TLE3: variants seen among roughly 807,000 people sequenced by gnomAD.
TLE3 encodes the protein transducin-like enhancer protein 3.
In TLE3, 14 loss-of-function variants were observed where a neutral mutation model predicts 93.0. That is an observed-to-expected ratio of 0.15 (90% CI 0.10 to 0.24). TLE3 has a LOEUF of 0.24. TLE3 is among the 10% of genes least tolerant of loss of function. The pLI is 1.00. For synonymous variants in TLE3, 451 were observed against 425.0 expected (o/e 1.06, Z -0.75); for missense variants, 693 against 1,046.6 (o/e 0.66, Z 4.66).
At chr15:70,070,289 T>C (rs900236543) in intron 6 of TLE3, among the ~76,000 whole-genome samples, 9 of 152,096 alleles carry the variant, frequency 5.9e-5, no homozygotes, top group Non-Finnish European at 1.3e-4. Context: ...CCAGGAGAGG[T>C]TGAAGGGAAG....
At chr15:70,052,259 G>C in intron 18 of TLE3, 115 bp downstream of exon 18, 6 of 1,369,802 alleles carry the variant, frequency 4.4e-6, no homozygotes, top group African/African-American at 1.4e-5. Context: ...CAGGAGGCCT[G>C]GTTCCAGGGC....
rs2058554072 is a variant in TLE3, at chr15:70,096,258, G to A, written c.28C>T (p.Pro10Ser). 7 of 1,553,064 alleles carry A rather than the reference G, an allele frequency of 4.5e-6. No homozygotes were observed. The East Asian group carries it at 9.7e-5, about 22-fold the overall frequency. Reference sequence around the variant, plus strand: ...AATCCCGGCTGCCCGGGTTGATGGGGAGCCTGGAGCCCGCGAAGACAAGAC... The same window carrying A: ...AATCCCGGCTGCCCGGGTTGATGGGAAGCCTGGAGCCCGCGAAGACAAGAC... MYPQGRHPAPHQPGQPGFKF... is the reference protein window; with the variant it reads MYPQGRHPASHQPGQPGFKF... The change falls in exon 2 of 20, where the codon CCC (proline) becomes TCC (serine). Residue 10 changes from proline to serine, a missense_variant. Pro to Ser is a moderately conservative substitution (Grantham distance 74). Transcript: ENST00000451782.
In TLE3 at chr15:70,095,549, C is replaced by G. The variant is rs564403851; in HGVS notation, c.189+29G>C. On this transcript the variant is annotated intron_variant, in intron 3 of 19. Transcript: ENST00000451782. ...CCCCGGCCGGGGTCGGCGCCCCAAC[C>G]GCCCCCCAGGCCCGCGGCCGCATCT... is the stretch of plus-strand genomic sequence containing the variant. 11 of 1,548,204 alleles carry G rather than the reference C, an allele frequency of 7.1e-6. No individual in the cohort carries two copies. The South Asian group carries it at 7.2e-5, about 10-fold the overall frequency.
chr15:70,071,484 T>C (rs1172603345), intron 6 of TLE3, among the ~76,000 whole-genome samples: 1 of 152,136 alleles, frequency 6.6e-6, no homozygotes, highest in Non-Finnish European at 1.5e-5. Context: ...ACCCCAGGAA[T>C]ACTCTAATCC....
chr15:70,086,643 G>A (rs368329476), intron 4 of TLE3, among the ~76,000 whole-genome samples: 14 of 152,282 alleles, frequency 9.2e-5, no homozygotes, highest in Admixed American at 6.5e-5. Flanking sequence ...ATCGGCCTGC[G>A]GTAGTTTTCA....
intron 3 of TLE3, 87 bp downstream of exon 3, chr15:70,095,491 C>T (rs1362115594): frequency 1.3e-6 from 2 of 1,547,140 alleles, no homozygotes; most frequent in Admixed American, 2.0e-5. Flanking sequence ...GTGGTGGGGA[C>T]CTGGCGCTCA....
At chr15:70,069,349 C>T (rs546211466) in intron 6 of TLE3, among the ~76,000 whole-genome samples, 1 of 152,284 alleles carries the variant, frequency 6.6e-6, no homozygotes, top group African/African-American at 2.4e-5. Flanking sequence ...AGGTGTCCTG[C>T]TTGCCCAAAA....
intron 13 of TLE3, among the ~76,000 whole-genome samples, chr15:70,057,144 G>A (rs11072135): frequency 0.33 from 50,279 of 152,054 alleles, 8,788 homozygotes; most frequent in East Asian, 0.63. Context: ...CACCTGACTT[G>A]CCCTGGGATT....
intron 4 of TLE3, among the ~76,000 whole-genome samples, chr15:70,091,113 T>A (rs573772867): frequency 2.0e-5 from 3 of 152,358 alleles, no homozygotes; most frequent in Admixed American, 2.0e-4. Flanking sequence ...CGTTTCCTCA[T>A]CTGTAACTTG....
chr15:70,083,803 G>A (rs2057910133), intron 4 of TLE3, among the ~76,000 whole-genome samples: 1 of 151,958 alleles, frequency 6.6e-6, no homozygotes, highest in African/African-American at 2.4e-5. Flanking sequence ...ATGAAATGCT[G>A]GCTAGGACTT....
In TLE3 at chr15:70,049,154, T is replaced by C. The variant is rs936061324; in HGVS notation, c.*943A>G. The C allele has an allele frequency of 2.6e-5, 4 of 152,278 alleles. No individual in the cohort carries two copies. Among genetic ancestry groups the C allele is most frequent in the Admixed American group, 6.5e-5 (1 of 15,290 alleles). The allele number at this position is 152,278 out of a possible 1,614,324, so 9.4% of individuals were successfully genotyped here. A position where few individuals can be genotyped will look rare whatever the true frequency, so the allele number is the denominator to read the frequency against. ...AGAGGGAGTTCCTTTGAACTTCCATTGCTCACAACAATAACTAAGTGTGCA... is the reference window on the plus strand; with the variant it reads ...AGAGGGAGTTCCTTTGAACTTCCATCGCTCACAACAATAACTAAGTGTGCA... On this transcript the variant is annotated 3_prime_UTR_variant, in exon 20 of 20. Coordinates refer to ENST00000451782, the MANE Select transcript of TLE3 (RefSeq NM_001105192.3).
At chr15:70,076,531 T>A (rs1013091331) in intron 4 of TLE3, among the ~76,000 whole-genome samples, 3 of 152,164 alleles carry the variant, frequency 2.0e-5, no homozygotes, top group African/African-American at 7.2e-5. Flanking sequence ...CACAGTTTAG[T>A]GAGAGAGGAA....
At chr15:70,081,844 T>C (rs959559564) in intron 4 of TLE3, among the ~76,000 whole-genome samples, 1 of 152,184 alleles carries the variant, frequency 6.6e-6, no homozygotes, top group Non-Finnish European at 1.5e-5. Context: ...TGCAAAGCCA[T>C]GGGGAAGTGA....
In TLE3 at chr15:70,052,533, G is replaced by A. The variant is rs1410059717; in HGVS notation, c.1975-9C>T. 1.2e-6 allele frequency: 2 copies of A among 1,611,892 alleles called. No individual in the cohort carries two copies. The highest frequency in any genetic ancestry group is 1.7e-6 in the Non-Finnish European group (2 of 1,179,382). On this transcript the variant is annotated splice_polypyrimidine_tract_variant and intron_variant, in intron 17 of 19. Coordinates refer to ENST00000451782, the MANE Select transcript of TLE3 (RefSeq NM_001105192.3). ...TAGCCCAGCGAGAAGATCTGCAGGT[G>A]GTGGGAGGGCAGATGGACTGAGCTC...
At position 70,097,829 on chromosome 15, in the gene TLE3, G is replaced by A. The variant is rs1266365107; in HGVS notation, c.-1031C>T. The A allele has an allele frequency of 5.5e-6, 2 of 364,114 alleles. No individual in the cohort carries two copies. The highest frequency in any genetic ancestry group is 9.8e-6 in the Non-Finnish European group (2 of 205,104). The allele number at this position is 364,114 out of a possible 1,614,324, so 22.6% of individuals were successfully genotyped here. The stretch of plus-strand genomic sequence containing the variant: ...ACACACACACACCAAAAAAAAAAGT[G>A]CCCCGGACCTACGGATACCACACAC... On this transcript the variant is annotated 5_prime_UTR_variant, in exon 1 of 20. Coordinates refer to ENST00000451782, the MANE Select transcript of TLE3 (RefSeq NM_001105192.3).
At chr15:70,053,905 T>A (rs1170822958) in intron 16 of TLE3, 1 of 159,656 alleles carries the variant, frequency 6.3e-6, no homozygotes, top group East Asian at 1.8e-4. Context: ...ACACAGCCCA[T>A]GTATACAAGA....
intron 4 of TLE3, among the ~76,000 whole-genome samples, chr15:70,076,767 C>A (rs1034785115): frequency 6.6e-6 from 1 of 152,090 alleles, no homozygotes; most frequent in African/African-American, 2.4e-5. Context: ...GTCACCCAGG[C>A]TGGTGTACAG....
At chr15:70,094,615 A>T in intron 3 of TLE3, 39 bp from the exon 4 acceptor site, 1 of 1,425,346 alleles carries the variant, frequency 7.0e-7, no homozygotes, top group East Asian at 2.5e-5. Flanking sequence ...GACAACACAG[A>T]AATCTGGTCA....
In TLE3 at chr15:70,055,244, G is replaced by A. The variant is rs554160023; in HGVS notation, c.1383C>T (p.Pro461=). The A allele has an allele frequency of 2.5e-6, 4 of 1,611,466 alleles. No individual in the cohort carries two copies. Among genetic ancestry groups the A allele is most frequent in the African/African-American group, 2.7e-5 (2 of 75,034 alleles). Residue 461 remains proline, a synonymous_variant, in exon 15 of 20, where the codon CCC becomes CCT. Transcript: ENST00000451782. The part of the protein sequence containing the change: ...ADGQMQPVPF[P]HDALAGPGIP... ...TGCCGGGGCCTGCCAGGGCGTCGTG[G>A]GGGAAGGGCACGGGCTGCATCTGCC...
Sources: allele counts gnomAD v4.1 joint callset (sites outside exome capture counted in the v4.1 genomes callset), GRCh38; gene constraint gnomAD v4.1.1; transcripts MANE v1.5; gene names NCBI Gene and HGNC (gene_info 2026-07-23, HGNC 2026-07-21).